The following MAPKAP1 variants were observed in gnomAD, a reference collection of about 807,000 sequenced individuals.
MAPKAP1 encodes the protein MAPK associated protein 1.
A neutral mutation model predicts 65.7 loss-of-function variants in MAPKAP1; 20 were observed. The observed-to-expected ratio is 0.30, with a 90% CI of 0.21 to 0.44. The LOEUF is 0.44. Ranked by LOEUF, MAPKAP1 falls within the 20% of genes least tolerant of loss-of-function variation. The pLI, the probability that MAPKAP1 is intolerant of heterozygous loss-of-function variation, is 1.00. For missense variants in MAPKAP1, 423 were observed against 648.0 expected, an observed-to-expected ratio of 0.65 and a Z score of 3.77; for synonymous variants, 222 against 244.3, an observed-to-expected ratio of 0.91 and a Z score of 0.85.
intron 7 of MAPKAP1, among the ~76,000 whole-genome samples, chr9:125,540,992 C>T (rs943423160): frequency 1.3e-5 from 2 of 152,150 alleles, no homozygotes; most frequent in Non-Finnish European, 2.9e-5. Context: ...TGAGACCAGA[C>T]TTATTAAAGC....
intron 10 of MAPKAP1, among the ~76,000 whole-genome samples, chr9:125,449,838 C>G (rs1195803910): frequency 6.6e-6 from 1 of 152,162 alleles, no homozygotes; most frequent in South Asian, 2.1e-4. Context: ...CATACATGAA[C>G]AGCACTCACA....
intron 10 of MAPKAP1, among the ~76,000 whole-genome samples, chr9:125,454,717 A>C (rs1398108892): frequency 6.6e-6 from 1 of 152,164 alleles, no homozygotes; most frequent in Non-Finnish European, 1.5e-5. Flanking sequence ...GTTAGCTTTC[A>C]CTTCCCACTG....
At chr9:125,462,470 C>T (rs1364541331) in intron 10 of MAPKAP1, among the ~76,000 whole-genome samples, 2 of 152,234 alleles carry the variant, frequency 1.3e-5, no homozygotes, top group Non-Finnish European at 2.9e-5. Flanking sequence ...GGGAACCCAG[C>T]ATCTGGGTGG....
intron 8 of MAPKAP1, among the ~76,000 whole-genome samples, chr9:125,503,217 T>G (rs1270930542): frequency 1.3e-5 from 2 of 152,222 alleles, no homozygotes; most frequent in African/African-American, 2.4e-5. Flanking sequence ...CATTTACTGA[T>G]ATATCTGGGT....
At chr9:125,574,825 T>G (rs1831344202) in intron 5 of MAPKAP1, among the ~76,000 whole-genome samples, 3 of 152,230 alleles carry the variant, frequency 2.0e-5, no homozygotes, top group African/African-American at 4.8e-5. Flanking sequence ...CTCATTTTAT[T>G]TTCATTACTA....
At chr9:125,659,052 T>A (rs1335704728) in intron 3 of MAPKAP1, among the ~76,000 whole-genome samples, 1 of 152,172 alleles carries the variant, frequency 6.6e-6, no homozygotes, top group Non-Finnish European at 1.5e-5. Context: ...GAGTTCGACA[T>A]AATCAACATA....
Position 125,693,721 on chromosome 9 carries a change from GTATATACACATATATACACGTA to G in MAPKAP1, c.-70+13228_-70+13249del, listed in dbSNP as rs1367847098. Among the ~76,000 whole-genome samples, 71 of 59,020 alleles carry G rather than the reference GTATATACACATATATACACGTA, an allele frequency of 1.2e-3. 1 individual carries two copies. The highest frequency in any genetic ancestry group is 2.0e-3 in the African/African-American group (52 of 25,436). 38.7% of individuals were successfully genotyped at this position (59,020 alleles called of 152,430 possible). A position where few individuals can be genotyped will look rare whatever the true frequency, so the allele number is the denominator to read the frequency against. On this transcript the variant is annotated intron_variant, in intron 1 of 11. Transcript: ENST00000265960. ...CACGTATATATACACATATATACAC[GTATATACACATATATACACGTA>G]TATATACACATATATACACGTATAT...
intron 1 of MAPKAP1, among the ~76,000 whole-genome samples, chr9:125,698,302 T>TATA (rs1835476076): frequency 9.2e-5 from 2 of 21,856 alleles, no homozygotes; most frequent in African/African-American, 3.2e-4. Flanking sequence ...TATATATATA[T>TATA]ATATATATAT....
chr9:125,503,907 T>TG (rs1829062165), intron 8 of MAPKAP1, among the ~76,000 whole-genome samples: 1 of 104,768 alleles, frequency 9.5e-6, no homozygotes. Context: ...TTTTTTTTTT[T>TG]TGTATTTTTG....
chr9:125,480,996 A>C, intron 9 of MAPKAP1, among the ~76,000 whole-genome samples: 1 of 150,894 alleles, frequency 6.6e-6, no homozygotes, highest in Admixed American at 6.6e-5. Context: ...AAAAAAAAAA[A>C]AAAAAGAATA....
rs1430445967 is a variant in MAPKAP1, at chr9:125,707,174, G to A, written c.-273C>T. 3 of 398,052 alleles carry A rather than the reference G, an allele frequency of 7.5e-6. No homozygotes were observed. The highest frequency in any genetic ancestry group is 2.6e-4 in the South Asian group (2 of 7,820). 24.7% of individuals were successfully genotyped at this position (398,052 alleles called of 1,614,324 possible). On this transcript the variant is annotated 5_prime_UTR_variant, in exon 1 of 12. Coordinates refer to ENST00000265960, the MANE Select transcript of MAPKAP1 (RefSeq NM_001006617.3). ...TGCTGCTCGCCGCCGCCGGCCGGCC[G>A]AGCAGCAGCCCTATTACCCCGAGCC...
At chr9:125,617,824 A>AG (rs1287600679) in intron 4 of MAPKAP1, among the ~76,000 whole-genome samples, 1 of 152,226 alleles carries the variant, frequency 6.6e-6, no homozygotes, top group Non-Finnish European at 1.5e-5. Context: ...GTGGTCAGGG[A>AG]GCAAGGAGGA....
intron 8 of MAPKAP1, among the ~76,000 whole-genome samples, chr9:125,485,615 T>G (rs1239098618): frequency 6.6e-6 from 1 of 152,224 alleles, no homozygotes; most frequent in Non-Finnish European, 1.5e-5. Context: ...CCTTTGCTCA[T>G]GTGCTGCCCT....
intron 10 of MAPKAP1, among the ~76,000 whole-genome samples, chr9:125,446,257 T>G (rs1210115717): frequency 6.6e-6 from 1 of 152,198 alleles, no homozygotes; most frequent in Non-Finnish European, 1.5e-5. Flanking sequence ...GAAACATCAT[T>G]ATGATGTACT....
At chr9:125,493,045 T>C (rs1589234190) in intron 8 of MAPKAP1, among the ~76,000 whole-genome samples, 2 of 152,296 alleles carry the variant, frequency 1.3e-5, no homozygotes, top group East Asian at 1.9e-4. Flanking sequence ...CACCAAGTGT[T>C]TGCCTTTGGC....
chr9:125,704,904 T>C (rs984448083), intron 1 of MAPKAP1, among the ~76,000 whole-genome samples: 9 of 152,202 alleles, frequency 5.9e-5, no homozygotes, highest in Admixed American at 4.6e-4. Flanking sequence ...TCAATATTAT[T>C]CCCTAACCCA....
At position 125,546,893 on chromosome 9, in the gene MAPKAP1, A is replaced by T. The variant is rs575471291; in HGVS notation, c.849-3725T>A. Among the ~76,000 whole-genome samples the T allele has an allele frequency of 2.0e-5, 3 of 152,198 alleles. No homozygotes were observed. The East Asian group carries it at 5.8e-4, about 29-fold the overall frequency. The stretch of plus-strand genomic sequence containing the variant: ...GCTCCTCCTCCTGCTCGCCTCAGGG[A>T]CAGACAACCTGTTTTCCCCCAGAGC... On this transcript the variant is annotated intron_variant, in intron 6 of 11. Transcript: ENST00000265960.
At chr9:125,576,561 G>A (rs62570217) in intron 5 of MAPKAP1, among the ~76,000 whole-genome samples, 1 of 152,032 alleles carries the variant, frequency 6.6e-6, no homozygotes, top group African/African-American at 2.4e-5. Flanking sequence ...GTCTCCCTCT[G>A]ATGCCCAGCC....
chr9:125,705,685 A>G (rs959560720), intron 1 of MAPKAP1, among the ~76,000 whole-genome samples: 1 of 152,220 alleles, frequency 6.6e-6, no homozygotes, highest in African/African-American at 2.4e-5. Flanking sequence ...GAGCGCTTAT[A>G]GAATTCTAGA....
Sources: allele counts gnomAD v4.1 joint callset (sites outside exome capture counted in the v4.1 genomes callset), GRCh38; gene constraint gnomAD v4.1.1; transcripts MANE v1.5; gene names NCBI Gene and HGNC (gene_info 2026-07-23, HGNC 2026-07-21).